XIRP2: variants seen among roughly 807,000 people sequenced by gnomAD.
XIRP2 encodes the protein xin actin-binding repeat-containing protein 2.
In XIRP2, 236 loss-of-function variants were observed where a neutral mutation model predicts 277.0. The observed-to-expected ratio is 0.85, with a 90% confidence interval of 0.77 to 0.95. The LOEUF (loss-of-function observed/expected upper bound fraction) is 0.95, where lower values mean the gene tolerates loss of function less well. XIRP2 is among the 40% of genes least tolerant of loss of function. The probability of loss-of-function intolerance (pLI) is 0.00; values close to 1 mark genes in which losing one functional copy is unlikely to be tolerated. For synonymous variants in XIRP2, 1,490 were observed against 1,416.5 expected, an observed-to-expected ratio of 1.05 and a Z score of -1.17; for missense variants, 4,640 against 4,157.5, an observed-to-expected ratio of 1.12 and a Z score of -3.19.
chr2:166,920,085 GGT>G (rs1452093451), intron 2 of XIRP2, among the ~76,000 whole-genome samples: 1 of 152,012 alleles, frequency 6.6e-6, no homozygotes, highest in African/African-American at 2.4e-5. Context: ...TCTGCCCTCA[GGT>G]GACTAGAGGA....
At chr2:167,080,239 A>G (rs2105261044) in intron 2 of XIRP2, among the ~76,000 whole-genome samples, 1 of 152,296 alleles carries the variant, frequency 6.6e-6, no homozygotes, top group South Asian at 2.1e-4. Flanking sequence ...GATGTGGGGT[A>G]AAAAAGGAAA....
chr2:167,081,408 C>G (rs1574234202), intron 2 of XIRP2, among the ~76,000 whole-genome samples: 1 of 152,158 alleles, frequency 6.6e-6, no homozygotes, highest in Admixed American at 6.5e-5. Flanking sequence ...TTCGAGGCTA[C>G]AGTCAGCAGT....
At chr2:167,222,644 G>T (rs1168776145) in intron 5 of XIRP2, among the ~76,000 whole-genome samples, 3 of 151,930 alleles carry the variant, frequency 2.0e-5, no homozygotes, top group Non-Finnish European at 4.4e-5. Context: ...ACTTGAGAGG[G>T]GTGTCTTTTT....
At position 167,244,336 on chromosome 2, in the gene XIRP2, C is replaced by A. The variant is rs1225262315; in HGVS notation, c.2944C>A (p.Leu982Ile). Residue 982 changes from leucine (L) to isoleucine (I), a missense_variant, in exon 9 of 11, where the codon CTC becomes ATC. By Grantham distance (5) the Leu-to-Ile change is conservative (BLOSUM62 2). Transcript: ENST00000409195. ...AGGTGCTGTAGAGTTAAATAAATCT[C>A]TCTTCGAGACAACACCACTGTATGC... ...TRGAVELNKS[L>I]FETTPLYAIQ... is the part of the protein sequence containing the mutation. 6.2e-7 allele frequency: 1 copy of A among 1,613,620 alleles called. No individual in the cohort carries two copies. The highest frequency in any genetic ancestry group is 8.5e-7 in the Non-Finnish European group (1 of 1,179,826).
chr2:166,935,918 G>GTA (rs2105374200), intron 2 of XIRP2, among the ~76,000 whole-genome samples: 1 of 152,282 alleles, frequency 6.6e-6, no homozygotes, highest in Non-Finnish European at 1.5e-5. Context: ...AATCATTTGG[G>GTA]TATATACCCA....
rs918135275 is a variant in XIRP2 at position 167,135,836 on chromosome 2, T to C, written c.409-73T>C. On this transcript the variant is annotated intron_variant, in intron 2 of 10. Transcript: ENST00000409195. Reference sequence around the variant, plus strand: ...CCCTCCCTCTTTCATTTCTGCCTTCTAACCCCCCTAAAAAACACATCTGTT... The same window carrying C: ...CCCTCCCTCTTTCATTTCTGCCTTCCAACCCCCCTAAAAAACACATCTGTT... 5.9e-6 allele frequency: 8 copies of C among 1,363,924 alleles called. No individual in the cohort carries two copies. The Admixed American group carries it at 1.3e-4, about 23-fold the overall frequency. 84.5% of individuals were successfully genotyped at this position (1,363,924 alleles called of 1,614,324 possible).
chr2:166,940,087 T>G (rs1312770608), intron 2 of XIRP2, among the ~76,000 whole-genome samples: 1 of 152,204 alleles, frequency 6.6e-6, no homozygotes, highest in Non-Finnish European at 1.5e-5. Context: ...GGTACACCAG[T>G]CAGACTTAGA....
chr2:166,911,060 G>C (rs1350893090), intron 2 of XIRP2, among the ~76,000 whole-genome samples: 4 of 152,162 alleles, frequency 2.6e-5, no homozygotes, highest in Non-Finnish European at 5.9e-5. Context: ...GAATAAGTGT[G>C]ATGTGGTGCT....
chr2:166,943,575 A>G (rs1218688616), intron 2 of XIRP2, among the ~76,000 whole-genome samples: 1 of 152,214 alleles, frequency 6.6e-6, no homozygotes, highest in South Asian at 2.1e-4. Context: ...GTTAGTGTAC[A>G]TGGAATTCCA....
chr2:166,910,426 G>A (rs1183303934), intron 2 of XIRP2, among the ~76,000 whole-genome samples: 3 of 152,054 alleles, frequency 2.0e-5, no homozygotes, highest in Non-Finnish European at 2.9e-5. Flanking sequence ...TTCTCTGATG[G>A]TATTTTGTAT....
chr2:167,026,027 G>A (rs571798406), intron 2 of XIRP2, among the ~76,000 whole-genome samples: 13 of 152,116 alleles, frequency 8.5e-5, no homozygotes, highest in South Asian at 6.2e-4. Context: ...TTTCTGTCTC[G>A]TTGATCTGTC....
At chr2:167,032,564 A>G (rs954682513) in intron 2 of XIRP2, among the ~76,000 whole-genome samples, 4 of 152,204 alleles carry the variant, frequency 2.6e-5, no homozygotes, top group Non-Finnish European at 5.9e-5. Flanking sequence ...ACAAAGGGCT[A>G]ATATCCAGAA....
intron 2 of XIRP2, among the ~76,000 whole-genome samples, chr2:166,956,564 A>C (rs988900752): frequency 6.6e-6 from 1 of 151,842 alleles, no homozygotes; most frequent in Non-Finnish European, 1.5e-5. Flanking sequence ...TGAGAAAGAT[A>C]GTGGTTTAAA....
At chr2:166,952,274 C>A (rs969343065) in intron 2 of XIRP2, among the ~76,000 whole-genome samples, 2 of 151,886 alleles carry the variant, frequency 1.3e-5, no homozygotes, top group African/African-American at 4.8e-5. Context: ...AATCCCTAAT[C>A]TTTTTATACT....
intron 5 of XIRP2, among the ~76,000 whole-genome samples, chr2:167,239,352 G>C (rs1432690135): frequency 6.6e-6 from 1 of 152,152 alleles, no homozygotes; most frequent in African/African-American, 2.4e-5. Context: ...TGGCAAAGGA[G>C]AATTAAGTTG....
At chr2:167,145,620 T>A (rs1267404448) in intron 3 of XIRP2, among the ~76,000 whole-genome samples, 2 of 152,098 alleles carry the variant, frequency 1.3e-5, no homozygotes, top group African/African-American at 4.8e-5. Context: ...ATGTCAAATG[T>A]CAAATTGGAG....
chr2:166,909,565 G>A (rs1684640563), intron 2 of XIRP2, among the ~76,000 whole-genome samples: 1 of 152,196 alleles, frequency 6.6e-6, no homozygotes, highest in Admixed American at 6.5e-5. Flanking sequence ...TCTGCAAACA[G>A]GGATAATTTG....
intron 2 of XIRP2, among the ~76,000 whole-genome samples, chr2:167,102,050 C>A (rs551213133): frequency 3.9e-5 from 6 of 152,228 alleles, no homozygotes; most frequent in Admixed American, 1.3e-4. Context: ...AAGATAAATT[C>A]TAGGTTTCTC....
chr2:167,034,633 G>A (rs1688463243), intron 2 of XIRP2, among the ~76,000 whole-genome samples: 1 of 152,108 alleles, frequency 6.6e-6, no homozygotes, highest in Admixed American at 6.6e-5. Flanking sequence ...TAAAGAGCAG[G>A]AGCAGCTATA....
Sources: allele counts gnomAD v4.1 joint callset (sites outside exome capture counted in the v4.1 genomes callset), GRCh38; gene constraint gnomAD v4.1.1; transcripts MANE v1.5; gene names NCBI Gene and HGNC (gene_info 2026-07-23, HGNC 2026-07-21).